CBFA2T3: variants seen among roughly 807,000 people sequenced by gnomAD.
CBFA2T3 encodes the protein transcriptional corepressor CBFA2T3.
In CBFA2T3, 31 loss-of-function variants were observed where a neutral mutation model predicts 58.6. The ratio of observed to expected loss-of-function variants is 0.53; its 90% CI spans 0.40 to 0.71. CBFA2T3 has a LOEUF of 0.71. Among genes scored for constraint, CBFA2T3 ranks in the 30% least tolerant of loss-of-function variants. The probability of loss-of-function intolerance (pLI) is 0.00; values close to 1 mark genes in which losing one functional copy is unlikely to be tolerated. For missense variants in CBFA2T3, 1,076 were observed against 963.1 expected, an observed-to-expected ratio of 1.12 and a Z score of -1.55; for synonymous variants, 531 against 421.9, an observed-to-expected ratio of 1.26 and a Z score of -3.17.
chr16:88,945,869 T>C (rs1971888783), intron 1 of CBFA2T3, among the ~76,000 whole-genome samples: 1 of 152,266 alleles, frequency 6.6e-6, no homozygotes, highest in African/African-American at 2.4e-5. Flanking sequence ...TGCACATTAA[T>C]GTTGATAGAA....
At chr16:88,893,348 A>G (rs1335182609) in intron 3 of CBFA2T3, among the ~76,000 whole-genome samples, 9 of 150,278 alleles carry the variant, frequency 6.0e-5, no homozygotes, top group Admixed American at 5.9e-4. Context: ...TATGCGCTGC[A>G]GGTGCTTTCC....
In CBFA2T3 at chr16:88,876,615, G is replaced by A. The variant is rs1968837387; in HGVS notation, c.*361C>T. ...AGAGAGAGAGGATAGAGAAGACAGA[G>A]GGGGAGAGACAGACAGAGAGGAAAA... On this transcript the variant is annotated 3_prime_UTR_variant, in exon 12 of 12. Transcript: ENST00000268679. 1 of 294,278 alleles carries A rather than the reference G, an allele frequency of 3.4e-6. No individual in the cohort carries two copies. 18.2% of individuals were successfully genotyped at this position (294,278 alleles called of 1,614,324 possible).
In CBFA2T3 at chr16:88,891,861, G is replaced by A. The variant is rs183072982; in HGVS notation, c.711+21C>T. Reference sequence around the variant, plus strand: ...CCTTCTAGGGAGGCTCCCGCAGCACGGGGGACGGGTTTCGCATTACCTTCA... The same window carrying A: ...CCTTCTAGGGAGGCTCCCGCAGCACAGGGGACGGGTTTCGCATTACCTTCA... On this transcript the variant is annotated intron_variant, in intron 5 of 11. Coordinates refer to ENST00000268679, the MANE Select transcript of CBFA2T3 (RefSeq NM_005187.6). 575 of 1,572,790 alleles carry A rather than the reference G, an allele frequency of 3.7e-4. 8 individuals carry two copies. The East Asian group carries it at 0.012, about 34-fold the overall frequency.
chr16:88,936,205 A>T (rs1056609132), intron 1 of CBFA2T3, among the ~76,000 whole-genome samples: 1 of 152,188 alleles, frequency 6.6e-6, no homozygotes, highest in Non-Finnish European at 1.5e-5. Context: ...CAGGGTGCGC[A>T]GGAGCCCTCC....
intron 1 of CBFA2T3, among the ~76,000 whole-genome samples, chr16:88,925,370 G>A (rs976659062): frequency 2.0e-5 from 3 of 152,202 alleles, no homozygotes; most frequent in African/African-American, 4.8e-5. Flanking sequence ...TCCACCAGGC[G>A]CTCTCATGCA....
chr16:88,920,719 C>T (rs952310705), intron 1 of CBFA2T3, among the ~76,000 whole-genome samples: 6 of 152,232 alleles, frequency 3.9e-5, no homozygotes, highest in African/African-American at 9.6e-5. Flanking sequence ...TCTGCCTCCC[C>T]GTGGGGCAGC....
At chr16:88,896,143 G>A (rs1014060072) in intron 3 of CBFA2T3, among the ~76,000 whole-genome samples, 2 of 152,214 alleles carry the variant, frequency 1.3e-5, no homozygotes, top group Non-Finnish European at 2.9e-5. Context: ...CCCACACCTA[G>A]TGGAATTCTG....
chr16:88,892,611 C>T (rs1969688912), intron 3 of CBFA2T3, 126 bp from the exon 4 acceptor site: 7 of 1,130,272 alleles, frequency 6.2e-6, no homozygotes, highest in Admixed American at 3.4e-5. Context: ...AATGATGAGA[C>T]ACAAGGACAG....
At position 88,924,539 on chromosome 16, in the gene CBFA2T3, C is replaced by T. The variant is rs1283661915; in HGVS notation, c.152-22883G>A. Among the ~76,000 whole-genome samples the T allele has an allele frequency of 4.6e-5, 7 of 151,936 alleles. No homozygotes were observed. The East Asian group carries it at 1.2e-3, about 25-fold the overall frequency. ...CGGGCGGAGGGCCCAGTGGTGGCTG[C>T]GGGGGCCACCAGGGCAGCTCTCGGT... On this transcript the variant is annotated intron_variant, in intron 1 of 11. Transcript: ENST00000268679.
chr16:88,974,369 G>T (rs1038669368), intron 1 of CBFA2T3, among the ~76,000 whole-genome samples: 2 of 152,062 alleles, frequency 1.3e-5, no homozygotes, highest in African/African-American at 4.8e-5. Flanking sequence ...GCGTGAGGGG[G>T]CTGGTGAAGG....
chr16:88,893,600 G>A (rs1376619214), intron 3 of CBFA2T3, among the ~76,000 whole-genome samples: 1 of 152,218 alleles, frequency 6.6e-6, no homozygotes, highest in Non-Finnish European at 1.5e-5. Context: ...CGTGCACACA[G>A]GCCAGTGCAT....
At chr16:88,897,997 C>T in intron 3 of CBFA2T3, 81 bp downstream of exon 3, 1 of 1,034,286 alleles carries the variant, frequency 9.7e-7, no homozygotes, top group Non-Finnish European at 1.5e-6. Flanking sequence ...TGAGCGCCCC[C>T]AGGGCAGCAG....
chr16:88,883,780 C>A (rs1363960040), intron 7 of CBFA2T3: 1 of 151,114 alleles, frequency 6.6e-6, no homozygotes, highest in Non-Finnish European at 1.5e-5. Flanking sequence ...TGGCTGTGCC[C>A]ACGGGAGACG....
At position 88,885,148 on chromosome 16, in the gene CBFA2T3, G is replaced by A. The variant is rs1453202498; in HGVS notation, c.1015C>T (p.Pro339Ser). The A allele has an allele frequency of 1.2e-6, 2 of 1,601,208 alleles. No individual in the cohort carries two copies. Among genetic ancestry groups the A allele is most frequent in the African/African-American group, 2.7e-5 (2 of 74,722 alleles). ...PSNGPPQPTP[P>S]PHYRLEDIAM... The stretch of plus-strand genomic sequence containing the variant: ...ATGTCCTCCAGGCGGTAGTGCGGCG[G>A]CGGTGTGGGCTGCGGTGGCCCGTTG... Residue 339 changes from proline (P) to serine (S), a missense_variant, in exon 7 of 12, where the codon CCG becomes TCG. Coordinates refer to ENST00000268679, the MANE Select transcript of CBFA2T3 (RefSeq NM_005187.6). The surrounding 1 kb of genome is among the most constrained non-coding windows in gnomAD (Gnocchi z 5.3).
rs116180303 is a variant in CBFA2T3 at position 88,928,792 on chromosome 16, C to T, written c.152-27136G>A. ...GGAGGTGTGGTGGTTGGGAGAGGCACGGGTGGGTGACTGGATGGCCACTGA... is the reference window on the plus strand; with the variant it reads ...GGAGGTGTGGTGGTTGGGAGAGGCATGGGTGGGTGACTGGATGGCCACTGA... On this transcript the variant is annotated intron_variant, in intron 1 of 11. Transcript: ENST00000268679. Among the ~76,000 whole-genome samples, 700 of 152,310 alleles carry T rather than the reference C, an allele frequency of 4.6e-3. 6 individuals carry two copies. The highest frequency in any genetic ancestry group is 0.016 in the African/African-American group (654 of 41,572).
At chr16:88,931,432 T>C (rs1386744111) in intron 1 of CBFA2T3, among the ~76,000 whole-genome samples, 1 of 151,964 alleles carries the variant, frequency 6.6e-6, no homozygotes, top group East Asian at 1.9e-4. Flanking sequence ...CAAGGACCGG[T>C]CTGTGGCAAG....
At position 88,874,939 on chromosome 16, in the gene CBFA2T3, C is replaced by T; in HGVS notation, c.*2037G>A. 4.3e-6 allele frequency: 1 copy of T among 232,996 alleles called. No individual in the cohort carries two copies. Among genetic ancestry groups the T allele is most frequent in the Non-Finnish European group, 8.5e-6 (1 of 117,596 alleles). The allele number at this position is 232,996 out of a possible 1,614,324, so 14.4% of individuals were successfully genotyped here. ...TTTGGACCTCTGCAAAGACTATATA[C>T]ATTCACATTAACGTACACGCTCAGC... On this transcript the variant is annotated 3_prime_UTR_variant, in exon 12 of 12. Transcript: ENST00000268679.
intron 1 of CBFA2T3, among the ~76,000 whole-genome samples, chr16:88,961,530 A>G (rs1287505279): frequency 6.9e-6 from 1 of 145,810 alleles, no homozygotes; most frequent in Non-Finnish European, 1.5e-5. Context: ...ACTCCATAGT[A>G]ACCGACCCTC....
At chr16:88,919,696 G>C (rs1970849798) in intron 1 of CBFA2T3, among the ~76,000 whole-genome samples, 1 of 152,182 alleles carries the variant, frequency 6.6e-6, no homozygotes, top group Admixed American at 6.5e-5. Context: ...AGTTACTTCT[G>C]AGCACGTGCA....
Sources: allele counts gnomAD v4.1 joint callset (sites outside exome capture counted in the v4.1 genomes callset), GRCh38; gene constraint gnomAD v4.1.1; non-coding constraint Gnocchi (gnomAD v3.1); transcripts MANE v1.5; gene names NCBI Gene and HGNC (gene_info 2026-07-23, HGNC 2026-07-21).